The following ASB2 variants were observed in gnomAD, a reference collection of about 807,000 sequenced individuals.
ASB2 encodes the protein ankyrin repeat and SOCS box protein 2.
A neutral mutation model predicts 62.4 loss-of-function variants in ASB2; 58 were observed. The observed-to-expected ratio is 0.93, with a 90% CI of 0.75 to 1.16. The LOEUF (loss-of-function observed/expected upper bound fraction) is 1.16. Among genes scored for constraint, ASB2 ranks in the 50% most tolerant of loss-of-function variants. The pLI is 0.00. For missense variants in ASB2, 928 were observed against 887.9 expected (o/e 1.05, Z -0.57); for synonymous variants, 386 against 385.3 (o/e 1.00, Z -0.02).
chr14:93,947,602 C>G (rs1888780898), intron 6 of ASB2, 82 bp from the exon 7 acceptor site: 6 of 1,445,188 alleles, frequency 4.2e-6, no homozygotes, highest in East Asian at 2.3e-5. Context: ...CGTGGTGGGC[C>G]TGCTGTGCTA....
intron 7 of ASB2, chr14:93,941,734 G>C: frequency 2.2e-6 from 1 of 455,512 alleles, no homozygotes; most frequent in Non-Finnish European, 4.4e-6. Flanking sequence ...GATGGGGCTG[G>C]TATCTCTGGC....
chr14:93,956,626 C>A, intron 3 of ASB2, 140 bp downstream of exon 3: 1 of 1,163,412 alleles, frequency 8.6e-7, no homozygotes, highest in Non-Finnish European at 1.2e-6. Flanking sequence ...GGGGGCACCC[C>A]TAGAAGGAGC....
Position 93,964,516 on chromosome 14 carries a change from C to G in ASB2, c.24G>C (p.Arg8=), listed in dbSNP as rs1335843615. The G allele has an allele frequency of 2.6e-6, 4 of 1,536,110 alleles. No individual in the cohort carries two copies. The African/African-American group carries it at 5.5e-5, about 21-fold the overall frequency. MATQIST[R]GSQCTIGQEE... ...CCTGCCCAATGGTACACTGGCTGCC[C>G]CGAGTGCTGATCTGCGTGGCCATCC... The change falls in exon 2 of 10, where the codon CGG becomes CGC. Residue 8 remains arginine, a synonymous_variant. Coordinates refer to ENST00000555019, the MANE Select transcript of ASB2 (RefSeq NM_001202429.2).
intron 9 of ASB2, among the ~76,000 whole-genome samples, chr14:93,935,643 T>TGGCAA: frequency 6.6e-6 from 1 of 152,074 alleles, no homozygotes; most frequent in South Asian, 2.1e-4. Flanking sequence ...AAACAGCAAG[T>TGGCAA]GGCAAGGCAA....
rs763057356 is a variant in ASB2, at chr14:93,939,419, C to G, written c.1306G>C (p.Asp436His). 2 of 1,612,798 alleles carry G rather than the reference C, an allele frequency of 1.2e-6. No individual in the cohort carries two copies. Among genetic ancestry groups the G allele is most frequent in the South Asian group, 2.2e-5 (2 of 91,064 alleles). Residue 436 changes from aspartate (D) to histidine (H), a missense_variant, in exon 8 of 10, where the codon GAC becomes CAC. Asp to His is a moderately conservative substitution (Grantham distance 81, BLOSUM62 -1). Transcript: ENST00000555019. ...GGGCTGATGACGTCGCGGTTGGGGT[C>G]GGCGCCGTGTTGCAGCAGCAGCTCG... ...ATELLLQHGA[D>H]PNRDVISPLL...
chr14:93,957,042 T>G, intron 2 of ASB2, 172 bp from the exon 3 acceptor site: 1 of 1,494,692 alleles, frequency 6.7e-7, no homozygotes, highest in East Asian at 2.4e-5. Flanking sequence ...TGGACACAGC[T>G]GCTGTGTCTC....
At chr14:93,938,350 C>T (rs1413386224) in intron 8 of ASB2, among the ~76,000 whole-genome samples, 2 of 148,970 alleles carry the variant, frequency 1.3e-5, no homozygotes, top group Non-Finnish European at 3.0e-5. Flanking sequence ...CGTCATTCTC[C>T]TGCCTTAGCC....
In ASB2 at chr14:93,939,119, TGGGCTCCTTGTCGGCCGC is replaced by T; in HGVS notation, c.1588_1605del (p.Ala530_Pro535del). The T allele has an allele frequency of 6.6e-7, 1 of 1,517,724 alleles. No individual in the cohort carries two copies. Among genetic ancestry groups the T allele is most frequent in the African/African-American group, 1.4e-5 (1 of 72,550 alleles). 94.0% of individuals were successfully genotyped at this position (1,517,724 alleles called of 1,614,324 possible). A position where few individuals can be genotyped will look rare whatever the true frequency, so the allele number is the denominator to read the frequency against. On this transcript the variant is annotated inframe_deletion, in exon 8 of 10. Coordinates refer to ENST00000555019, the MANE Select transcript of ASB2 (RefSeq NM_001202429.2). ...CGTGCGCTGCCCACCTGCACCACGC[TGGGCTCCTTGTCGGCCGC>T]GGGCGCGTCGTTGAACCTGCTGGAG...
intron 4 of ASB2, 46 bp downstream of exon 4, chr14:93,954,271 C>G: frequency 6.5e-7 from 1 of 1,539,170 alleles, no homozygotes; most frequent in Non-Finnish European, 8.9e-7. Flanking sequence ...AGCCCTTCCC[C>G]TAGTCCCTTT....
intron 2 of ASB2, among the ~76,000 whole-genome samples, chr14:93,960,169 A>T (rs1335162573): frequency 6.6e-6 from 1 of 152,222 alleles, no homozygotes; most frequent in Non-Finnish European, 1.5e-5. Flanking sequence ...AGGCTCAAAG[A>T]GGCTTGCTTC....
At chr14:93,950,933 G>T in intron 6 of ASB2, 66 bp downstream of exon 6, 1 of 1,548,364 alleles carries the variant, frequency 6.5e-7, no homozygotes, top group South Asian at 1.2e-5. Context: ...CCTTAGAGCT[G>T]ACCTCTGACA....
intron 7 of ASB2, chr14:93,939,918 CT>C: frequency 2.3e-6 from 1 of 431,668 alleles, no homozygotes; most frequent in Non-Finnish European, 4.0e-6. Flanking sequence ...TTCAGCCACC[CT>C]CCCAAAGTCA....
intron 9 of ASB2, among the ~76,000 whole-genome samples, chr14:93,935,825 A>G (rs1418289637): frequency 6.6e-6 from 1 of 152,102 alleles, no homozygotes; most frequent in Non-Finnish European, 1.5e-5. Flanking sequence ...TTTCTACCAC[A>G]TAGTACGCCA....
chr14:93,944,255 T>C (rs578130649), intron 7 of ASB2: 1 of 215,100 alleles, frequency 4.6e-6, no homozygotes, highest in African/African-American at 2.3e-5. Context: ...AGTTTCTTAA[T>C]ACGTCTATCT....
At chr14:93,969,855 G>A (rs1355838162) in intron 1 of ASB2, 1 of 152,244 alleles carries the variant, frequency 6.6e-6, no homozygotes, top group East Asian at 1.9e-4. Flanking sequence ...CTGTAAAGTG[G>A]CTGTGACAGG....
chr14:93,940,605 G>GCCT (rs1266828320), intron 7 of ASB2: 13 of 152,186 alleles, frequency 8.5e-5, no homozygotes, highest in Admixed American at 2.6e-4. Flanking sequence ...CAGTCTCAAC[G>GCCT]CCTCCTCCCC....
intron 1 of ASB2, among the ~76,000 whole-genome samples, chr14:93,967,055 TG>T (rs1889616408): frequency 6.6e-6 from 1 of 152,198 alleles, no homozygotes; most frequent in African/African-American, 2.4e-5. Flanking sequence ...CCAAGGGACT[TG>T]GGTTTCTGTC....
chr14:93,954,251 C>T, intron 4 of ASB2, 66 bp downstream of exon 4: 1 of 1,272,578 alleles, frequency 7.9e-7, no homozygotes, highest in Non-Finnish European at 1.1e-6. Flanking sequence ...CATGAAGCCC[C>T]AGGAGCGGCA....
At chr14:93,943,731 C>A (rs1449482882) in intron 7 of ASB2, among the ~76,000 whole-genome samples, 4 of 152,216 alleles carry the variant, frequency 2.6e-5, no homozygotes, top group Non-Finnish European at 5.9e-5. Flanking sequence ...CACTTCTGAG[C>A]TTCACTGTGC....
Sources: gnomAD v4.1 joint callset for allele counts (sites outside exome capture counted in the v4.1 genomes callset) on GRCh38, gnomAD v4.1.1 for gene constraint, MANE v1.5 for transcripts, NCBI Gene and HGNC (gene_info 2026-07-23, HGNC 2026-07-21) for gene names.